PRRG3: variants seen among roughly 807,000 people sequenced by gnomAD.
PRRG3 encodes transmembrane gamma-carboxyglutamic acid protein 3.
Under a neutral mutation model 15.8 loss-of-function variants are expected in PRRG3, and 21 were observed. That is an observed-to-expected ratio of 1.33 (90% CI 0.94 to 1.92). The LOEUF (loss-of-function observed/expected upper bound fraction) is 1.92, where lower values mean the gene tolerates loss of function less well. Ranked by LOEUF, PRRG3 falls within the 40% of genes most tolerant of loss-of-function variation. The pLI, the probability that PRRG3 is intolerant of heterozygous loss-of-function variation, is 0.00. For missense variants in PRRG3, 251 were observed against 200.2 expected (o/e 1.25, Z -1.53); for synonymous variants, 125 against 84.1 (o/e 1.49, Z -2.66).
Position 151,700,023 on chromosome X carries a change from C to G in PRRG3, c.35C>G (p.Ser12Trp). 1 of 1,209,754 alleles carries G rather than the reference C, an allele frequency of 8.3e-7. No individual in the cohort carries two copies. Among genetic ancestry groups the G allele is most frequent in the Non-Finnish European group, 1.1e-6 (1 of 894,203 alleles). ...AVFLEAKDAH[S>W]VLKRFPRANE... Reference sequence around the variant, plus strand: ...TTTCTGGAGGCCAAGGATGCCCATTCGGTCCTGAAACGATTCCCTCGTGCC... The same window carrying G: ...TTTCTGGAGGCCAAGGATGCCCATTGGGTCCTGAAACGATTCCCTCGTGCC... The change falls in exon 3 of 4, where the codon TCG becomes TGG. Residue 12 changes from serine to tryptophan, a missense_variant. Coordinates refer to ENST00000674457, the MANE Select transcript of PRRG3 (RefSeq NM_001372163.1).
chrX:151,697,118 C>T (rs191715487), intron 1 of PRRG3, among the ~76,000 whole-genome samples: 149 of 51,614 alleles, frequency 2.9e-3, no homozygotes, highest in East Asian at 0.019. Context: ...CTTCCTTCCT[C>T]CCTCCCTCCC....
rs1312477317 is a variant in PRRG3 at position 151,705,682 on chromosome X, T to A, written c.*4649T>A. On this transcript the variant is annotated 3_prime_UTR_variant, in exon 4 of 4. Coordinates refer to ENST00000674457, the MANE Select transcript of PRRG3 (RefSeq NM_001372163.1). ...GCTTATAGAAATAATTACTGTGAAA[T>A]GGATTAATTTTGATACCACTTTAAA... 1 of 169,288 alleles carries A rather than the reference T, an allele frequency of 5.9e-6. No homozygotes were observed. The highest frequency in any genetic ancestry group is 1.6e-4 in the East Asian group (1 of 6,348). The allele number at this position is 169,288 out of a possible 1,213,427, so 14.0% of individuals were successfully genotyped here. A position where few individuals can be genotyped will look rare whatever the true frequency, so the allele number is the denominator to read the frequency against.
rs956506706 is a variant in PRRG3 at position 151,696,987 on chromosome X, TTC to T, written c.-32+1449_-32+1450del. Among the ~76,000 whole-genome samples the T allele has an allele frequency of 1.7e-4, 19 of 109,443 alleles. 1 individual carries two copies. The East Asian group carries it at 5.2e-3, about 30-fold the overall frequency. On this transcript the variant is annotated intron_variant, in intron 1 of 3. Coordinates refer to ENST00000674457, the MANE Select transcript of PRRG3 (RefSeq NM_001372163.1). The stretch of plus-strand genomic sequence containing the variant: ...ATTTTCTTTTCTTTCTTTTCTCTCT[TTC>T]TCTCTTTCTTTCTCTCTTTCTTTCT...
chrX:151,696,126 G>A (rs898530488), intron 1 of PRRG3, among the ~76,000 whole-genome samples: 1 of 111,440 alleles, frequency 9.0e-6, no homozygotes, highest in African/African-American at 3.3e-5. Flanking sequence ...CGGGGAGTGG[G>A]TTAAAAATTC....
chrX:151,700,042 T>A lies in PRRG3; in HGVS notation c.54T>A (p.Pro18=). 1 of 1,211,521 alleles carries A rather than the reference T, an allele frequency of 8.3e-7. No homozygotes were observed. The highest frequency in any genetic ancestry group is 1.1e-6 in the Non-Finnish European group (1 of 895,324). ...CCCATTCGGTCCTGAAACGATTCCC[T>A]CGTGCCAATGAGTTCCTGGAGGAGC... ...KDAHSVLKRF[P]RANEFLEELR... is the part of the protein sequence containing the mutation. Residue 18 remains proline, a synonymous_variant, in exon 3 of 4, where the codon CCT becomes CCA. Coordinates refer to ENST00000674457, the MANE Select transcript of PRRG3 (RefSeq NM_001372163.1).
intron 1 of PRRG3, among the ~76,000 whole-genome samples, chrX:151,697,873 T>TG (rs1416467529): frequency 9.1e-6 from 1 of 109,921 alleles, no homozygotes; most frequent in African/African-American, 3.3e-5. Context: ...GTTTAAGTAC[T>TG]GGCTGGATAG....
intron 2 of PRRG3, among the ~76,000 whole-genome samples, chrX:151,699,313 G>A (rs1198230127): frequency 2.7e-5 from 3 of 112,479 alleles, no homozygotes; most frequent in East Asian, 2.8e-4. Flanking sequence ...ATCCAAAGAC[G>A]GTATTGTAGG....
At chrX:151,696,698 G>T (rs1485496860) in intron 1 of PRRG3, among the ~76,000 whole-genome samples, 1 of 110,359 alleles carries the variant, frequency 9.1e-6, no homozygotes, top group Non-Finnish European at 1.9e-5. Context: ...TTTTCTTCAA[G>T]CAAAAAATCC....
In PRRG3 at chrX:151,701,187, A is replaced by T; in HGVS notation, c.*154A>T. ...GTGGAGTTTTAGGAAGTCAGTTGTC[A>T]GAGACAGGTGGGGAGGGTGGGGGTA... On this transcript the variant is annotated 3_prime_UTR_variant, in exon 4 of 4. Coordinates refer to ENST00000674457, the MANE Select transcript of PRRG3 (RefSeq NM_001372163.1). 3 of 495,859 alleles carry T rather than the reference A, an allele frequency of 6.1e-6. No individual in the cohort carries two copies. The highest frequency in any genetic ancestry group is 8.8e-6 in the Non-Finnish European group (3 of 339,436). The allele number at this position is 495,859 out of a possible 1,213,427, so 40.9% of individuals were successfully genotyped here.
Position 151,699,984 on chromosome X carries a change from C to T in PRRG3, c.8-12C>T. ...CTCCCCATTCCAGGCCTCAGTAGGG[C>T]TCTCTCCTCAGTGTTTCTGGAGGCC... On this transcript the variant is annotated splice_polypyrimidine_tract_variant and intron_variant, in intron 2 of 3. Coordinates refer to ENST00000674457, the MANE Select transcript of PRRG3 (RefSeq NM_001372163.1). 8.4e-7 allele frequency: 1 copy of T among 1,196,069 alleles called. No individual in the cohort carries two copies. Among genetic ancestry groups the T allele is most frequent in the Non-Finnish European group, 1.1e-6 (1 of 886,105 alleles).
chrX:151,697,876 C>T (rs1168181159), intron 1 of PRRG3, among the ~76,000 whole-genome samples: 1 of 109,682 alleles, frequency 9.1e-6, no homozygotes, highest in Non-Finnish European at 1.9e-5. Flanking sequence ...TAAGTACTGG[C>T]TGGATAGCTC....
chrX:151,700,584 G>A lies in PRRG3; in HGVS notation c.247G>A (p.Val83Met). 8.3e-7 allele frequency: 1 copy of A among 1,209,154 alleles called. No homozygotes were observed. Among genetic ancestry groups the A allele is most frequent in the Admixed American group, 2.2e-5 (1 of 45,843 alleles). Residue 83 changes from valine (V) to methionine (M), a missense_variant, in exon 4 of 4, where the codon GTG becomes ATG. Val to Met is a conservative substitution (Grantham distance 21). Coordinates refer to ENST00000674457, the MANE Select transcript of PRRG3 (RefSeq NM_001372163.1). ...PSQSSDAMYV[V>M]VPLLGVALLI... Reference sequence around the variant, plus strand: ...GCAGAGCTCAGATGCCATGTATGTGGTGGTACCCCTTCTGGGGGTGGCACT... The same window carrying A: ...GCAGAGCTCAGATGCCATGTATGTGATGGTACCCCTTCTGGGGGTGGCACT...
Position 151,704,684 on chromosome X carries a change from AGC to A in PRRG3, c.*3652_*3653del, listed in dbSNP as rs2014949700. 1 of 111,947 alleles carries A rather than the reference AGC, an allele frequency of 8.9e-6. No homozygotes were observed. The highest frequency in any genetic ancestry group is 3.3e-5 in the African/African-American group (1 of 30,562). 9.2% of individuals were successfully genotyped at this position (111,947 alleles called of 1,213,427 possible). ...TTGAGGCTGAGATGGATATCTTGGC[AGC>A]AGAGCTGCTGGTCTAGGTGGCTTTT... On this transcript the variant is annotated 3_prime_UTR_variant, in exon 4 of 4. Transcript: ENST00000674457.
rs950659306 is a variant in PRRG3, at chrX:151,700,693, G to A, written c.356G>A (p.Arg119Gln). 5 of 1,208,351 alleles carry A rather than the reference G, an allele frequency of 4.1e-6. No homozygotes were observed. The African/African-American group carries it at 7.0e-5, about 17-fold the overall frequency. ...TRHHPSYAQN[R>Q]YLASRAGHTL... is the part of the protein sequence containing the mutation. ...CACCACCCCTCCTATGCTCAGAACC[G>A]GTACCTAGCCAGTCGCGCCGGGCAC... The change falls in exon 4 of 4, where the codon CGG becomes CAG. Residue 119 changes from arginine (R) to glutamine (Q), a missense_variant. Coordinates refer to ENST00000674457, the MANE Select transcript of PRRG3 (RefSeq NM_001372163.1).
chrX:151,701,869 G>A lies in PRRG3; in HGVS notation c.*836G>A, dbSNP rs755486396. 1 of 112,776 alleles carries A rather than the reference G, an allele frequency of 8.9e-6. No individual in the cohort carries two copies. The highest frequency in any genetic ancestry group is 1.9e-5 in the Non-Finnish European group (1 of 53,337). 9.3% of individuals were successfully genotyped at this position (112,776 alleles called of 1,213,427 possible). On this transcript the variant is annotated 3_prime_UTR_variant, in exon 4 of 4. Coordinates refer to ENST00000674457, the MANE Select transcript of PRRG3 (RefSeq NM_001372163.1). ...ACCCACTGGCATGAGCCTACTTTTT[G>A]CGAATGGTGCATTGAAATTGAACTT...
In PRRG3 at chrX:151,700,792, C is replaced by T. The variant is rs199718169; in HGVS notation, c.455C>T (p.Ala152Val). The change falls in exon 4 of 4, where the codon GCG (alanine) becomes GTG (valine). Residue 152 changes from alanine (A) to valine (V), a missense_variant. Coordinates refer to ENST00000674457, the MANE Select transcript of PRRG3 (RefSeq NM_001372163.1). ...GAGCCTTCTGGGCACCGAGAGGCAG[C>T]GAACAGCCCCCAGGTGGTGCTGGGG... ...QGEPSGHREA[A>V]NSPQVVLGPS... The T allele has an allele frequency of 2.8e-5, 33 of 1,191,712 alleles. 1 individual carries two copies. The highest frequency in any genetic ancestry group is 2.4e-4 in the South Asian group (13 of 54,606).
chrX:151,699,217 GCTT>G (rs1335218089), intron 2 of PRRG3, among the ~76,000 whole-genome samples: 1 of 112,724 alleles, frequency 8.9e-6, no homozygotes, highest in Non-Finnish European at 1.9e-5. Context: ...CTCAACTTAG[GCTT>G]ATGTGGGTGC....
At position 151,696,232 on chromosome X, in the gene PRRG3, G is replaced by T. The variant is rs1215303146; in HGVS notation, c.-32+688G>T. 3.6e-5 allele frequency among the ~76,000 whole-genome samples: 4 copies of T among 111,501 alleles called. No homozygotes were observed. In the South Asian group the frequency reaches 1.5e-3, roughly 42 times the overall value. On this transcript the variant is annotated intron_variant, in intron 1 of 3. Transcript: ENST00000674457. ...TCATTCTTTGTCGTGGAGCCCTCAC[G>T]ATTGCTTCCTTATTGTTGCCATAGT...
At position 151,701,404 on chromosome X, in the gene PRRG3, G is replaced by T; in HGVS notation, c.*371G>T. ...GCCTGGCCTGGGGGCTGTGGGACTGGCTGGAGGCCTGCCTGTGTCTAGAGC... is the reference window on the plus strand; with the variant it reads ...GCCTGGCCTGGGGGCTGTGGGACTGTCTGGAGGCCTGCCTGTGTCTAGAGC... On this transcript the variant is annotated 3_prime_UTR_variant, in exon 4 of 4. Coordinates refer to ENST00000674457, the MANE Select transcript of PRRG3 (RefSeq NM_001372163.1). 1 of 141,371 alleles carries T rather than the reference G, an allele frequency of 7.1e-6. No homozygotes were observed. The highest frequency in any genetic ancestry group is 1.4e-5 in the Non-Finnish European group (1 of 71,674). 11.7% of individuals were successfully genotyped at this position (141,371 alleles called of 1,213,427 possible). A position where few individuals can be genotyped will look rare whatever the true frequency, so the allele number is the denominator to read the frequency against.
Sources: gnomAD v4.1 joint callset for allele counts (sites outside exome capture counted in the v4.1 genomes callset) on GRCh38, gnomAD v4.1.1 for gene constraint, MANE v1.5 for transcripts, NCBI Gene and HGNC (gene_info 2026-07-23, HGNC 2026-07-21) for gene names.